Variants in ABCA12 observed in about 807,000 individuals in gnomAD.
The protein encoded by ABCA12 is glucosylceramide transporter ABCA12.
In ABCA12, 156 loss-of-function variants were observed where a neutral mutation model predicts 293.5. The observed-to-expected ratio is 0.53, with a 90% confidence interval of 0.47 to 0.61. The LOEUF (loss-of-function observed/expected upper bound fraction) is 0.61. Among genes scored for constraint, ABCA12 ranks in the 20% least tolerant of loss-of-function variants. ABCA12 has a pLI of 0.00. For missense variants in ABCA12, 2,797 were observed against 3,090.2 expected, an observed-to-expected ratio of 0.91 and a Z score of 2.25; for synonymous variants, 1,063 against 1,108.0, an observed-to-expected ratio of 0.96 and a Z score of 0.81.
In ABCA12 at chr2:214,954,118, A is replaced by G. The variant is rs529019469; in HGVS notation, c.6394-11T>C. On this transcript the variant is annotated splice_polypyrimidine_tract_variant and intron_variant, in intron 43 of 52. Transcript: ENST00000272895. ...AATAAGTTCTAAAGTCTGAAATAAG[A>G]GAAATAAAAATAAAACTCAGTGTTA... 1 of 1,612,794 alleles carries G rather than the reference A, an allele frequency of 6.2e-7. No homozygotes were observed. Among genetic ancestry groups the G allele is most frequent in the South Asian group, 1.1e-5 (1 of 91,046 alleles).
chr2:214,953,058 T>C (rs1698829448), intron 44 of ABCA12, among the ~76,000 whole-genome samples: 1 of 152,368 alleles, frequency 6.6e-6, no homozygotes, highest in Non-Finnish European at 1.5e-5. Context: ...AGATAGTCTA[T>C]GGATATGTCT....
chr2:215,091,166 C>G (rs1295264693), intron 2 of ABCA12, among the ~76,000 whole-genome samples: 1 of 152,058 alleles, frequency 6.6e-6, no homozygotes, highest in Non-Finnish European at 1.5e-5. Flanking sequence ...CAGTCTCCAC[C>G]CCAAGCAGAG....
intron 20 of ABCA12, among the ~76,000 whole-genome samples, chr2:215,003,846 T>G (rs1700196284): frequency 6.6e-6 from 1 of 152,000 alleles, no homozygotes; most frequent in Non-Finnish European, 1.5e-5. Flanking sequence ...TTTTGTATTT[T>G]TAGTAGAGAT....
chr2:215,034,832 C>T (rs1285529006), intron 8 of ABCA12, among the ~76,000 whole-genome samples: 3 of 152,084 alleles, frequency 2.0e-5, no homozygotes, highest in Admixed American at 1.3e-4. Flanking sequence ...ATAAATATTA[C>T]CTATTGTGTT....
intron 50 of ABCA12, among the ~76,000 whole-genome samples, chr2:214,940,467 T>C (rs967106135): frequency 6.6e-6 from 1 of 152,190 alleles, no homozygotes; most frequent in Non-Finnish European, 1.5e-5. Flanking sequence ...ATCAGGATGA[T>C]GCTGGACTTG....
At chr2:214,982,632 T>C (rs980488547) in intron 29 of ABCA12, among the ~76,000 whole-genome samples, 1 of 152,112 alleles carries the variant, frequency 6.6e-6, no homozygotes, top group Non-Finnish European at 1.5e-5. Flanking sequence ...AAATTAATAC[T>C]CAGAAAAAAA....
At chr2:215,049,960 T>C in intron 5 of ABCA12, 149 bp from the exon 6 acceptor site, 1 of 702,610 alleles carries the variant, frequency 1.4e-6, no homozygotes, top group South Asian at 1.8e-5. Context: ...ATAAAGTAGA[T>C]AGAGTTTACC....
intron 2 of ABCA12, among the ~76,000 whole-genome samples, chr2:215,097,954 A>AT (rs1326711459): frequency 2.0e-5 from 3 of 151,976 alleles, no homozygotes; most frequent in Non-Finnish European, 2.9e-5. Context: ...AAGTTCTATA[A>AT]TTTTTTTTCC....
intron 9 of ABCA12, among the ~76,000 whole-genome samples, chr2:215,030,550 G>A (rs909340429): frequency 6.6e-6 from 1 of 151,010 alleles, no homozygotes; most frequent in Admixed American, 6.6e-5. Flanking sequence ...CTTGCAGTGA[G>A]CCGAGATGGC....
intron 50 of ABCA12, among the ~76,000 whole-genome samples, chr2:214,939,576 T>C (rs982600418): frequency 1.4e-4 from 22 of 152,126 alleles, no homozygotes; most frequent in African/African-American, 5.3e-4. Context: ...TTTCATGATA[T>C]TGATTCTTCC....
intron 2 of ABCA12, among the ~76,000 whole-genome samples, chr2:215,084,526 C>T (rs1216148366): frequency 6.6e-6 from 1 of 152,180 alleles, no homozygotes; most frequent in Non-Finnish European, 1.5e-5. Flanking sequence ...AAGACACTCT[C>T]CTACTGACCT....
chr2:214,960,890 C>G (rs149420066), intron 39 of ABCA12, among the ~76,000 whole-genome samples: 36 of 152,108 alleles, frequency 2.4e-4, no homozygotes, highest in Admixed American at 1.7e-3. Context: ...ATATTAACCA[C>G]TAGAGGGAAC....
intron 2 of ABCA12, among the ~76,000 whole-genome samples, chr2:215,072,904 G>A (rs1220747171): frequency 2.0e-5 from 3 of 152,180 alleles, no homozygotes; most frequent in Non-Finnish European, 4.4e-5. Context: ...AGACCAGCCT[G>A]GCCAACATGG....
At chr2:215,083,292 G>A (rs1478538681) in intron 2 of ABCA12, among the ~76,000 whole-genome samples, 3 of 152,184 alleles carry the variant, frequency 2.0e-5, no homozygotes, top group Admixed American at 6.5e-5. Flanking sequence ...TTGTGGTAAC[G>A]GATAGTGGAA....
chr2:215,132,529 T>A (rs1221512355), intron 1 of ABCA12, among the ~76,000 whole-genome samples: 1 of 152,012 alleles, frequency 6.6e-6, no homozygotes, highest in Non-Finnish European at 1.5e-5. Context: ...TGGTTTAACG[T>A]CTGTTTTATC....
chr2:214,949,239 A>G, intron 45 of ABCA12, 90 bp from the exon 46 acceptor site: 1 of 908,328 alleles, frequency 1.1e-6, no homozygotes, highest in East Asian at 2.4e-5. Context: ...CCTGGGTGAA[A>G]TAAATTACCG....
chr2:215,006,799 C>T (rs1012296125), intron 19 of ABCA12, among the ~76,000 whole-genome samples: 7 of 151,306 alleles, frequency 4.6e-5, no homozygotes, highest in African/African-American at 1.7e-4. Flanking sequence ...GCTCCATCTT[C>T]AGTTGCCAAT....
intron 30 of ABCA12, among the ~76,000 whole-genome samples, chr2:214,981,960 A>T (rs867545651): frequency 0.013 from 1,501 of 116,512 alleles, 9 homozygotes; most frequent in Middle Eastern, 0.025. Context: ...TATTATTATT[A>T]TTATTATTAT....
At chr2:215,132,917 G>C (rs1420209819) in intron 1 of ABCA12, among the ~76,000 whole-genome samples, 3 of 151,854 alleles carry the variant, frequency 2.0e-5, no homozygotes, top group Non-Finnish European at 2.9e-5. Context: ...GTAGGACCAG[G>C]CTAATAATGA....
Sources: allele counts gnomAD v4.1 joint callset (sites outside exome capture counted in the v4.1 genomes callset), GRCh38; gene constraint gnomAD v4.1.1; transcripts MANE v1.5; gene names NCBI Gene and HGNC (gene_info 2026-07-23, HGNC 2026-07-21).